The following VWA8 variants were observed in gnomAD, a reference collection of about 807,000 sequenced individuals.
The protein encoded by VWA8 is von Willebrand factor A domain-containing protein 8.
Under a neutral mutation model 241.5 loss-of-function variants are expected in VWA8, and 221 were observed. The ratio of observed to expected loss-of-function variants is 0.91; its 90% CI spans 0.82 to 1.02. The LOEUF (loss-of-function observed/expected upper bound fraction) is 1.02, where lower values mean the gene tolerates loss of function less well. Ranked by LOEUF, VWA8 falls within the 50% of genes least tolerant of loss-of-function variation. The probability of loss-of-function intolerance (pLI) is 0.00; values close to 1 mark genes in which losing one functional copy is unlikely to be tolerated. For synonymous variants in VWA8, 852 were observed against 827.1 expected (o/e 1.03, Z -0.52); for missense variants, 2,322 against 2,328.7 (o/e 1.00, Z 0.06).
At chr13:41,654,724 A>G (rs893231788) in intron 37 of VWA8, among the ~76,000 whole-genome samples, 1 of 152,182 alleles carries the variant, frequency 6.6e-6, no homozygotes, top group African/African-American at 2.4e-5. Context: ...AGAACACAGC[A>G]TTATTGTGAT....
chr13:41,825,493 G>A (rs1465071032), intron 14 of VWA8, among the ~76,000 whole-genome samples: 2 of 152,106 alleles, frequency 1.3e-5, no homozygotes, highest in African/African-American at 4.8e-5. Context: ...ATTCCCTGGA[G>A]GTAGATTTAT....
chr13:41,591,972 A>G (rs1214703828), intron 40 of VWA8, among the ~76,000 whole-genome samples: 4 of 146,300 alleles, frequency 2.7e-5, no homozygotes, highest in Non-Finnish European at 4.6e-5. Flanking sequence ...CTGGGTATAT[A>G]CCCAAAGGAT....
At chr13:41,586,194 T>C (rs2044417193) in intron 42 of VWA8, among the ~76,000 whole-genome samples, 1 of 151,158 alleles carries the variant, frequency 6.6e-6, no homozygotes, top group Admixed American at 6.6e-5. Flanking sequence ...AACTTATACC[T>C]GAAGGGAGCA....
chr13:41,866,647 T>C (rs1873328133), intron 10 of VWA8, among the ~76,000 whole-genome samples: 1 of 152,248 alleles, frequency 6.6e-6, no homozygotes, highest in Middle Eastern at 3.4e-3. Context: ...GATGTATTCA[T>C]AAAAATCATG....
At chr13:41,571,348 T>C (rs1335980254) in intron 43 of VWA8, among the ~76,000 whole-genome samples, 2 of 99,326 alleles carry the variant, frequency 2.0e-5, no homozygotes, top group Non-Finnish European at 4.5e-5. Context: ...CCCTCTCCCG[T>C]CTCCCTCTCC....
chr13:41,938,977 A>G (rs530245190), intron 2 of VWA8, among the ~76,000 whole-genome samples: 2 of 152,214 alleles, frequency 1.3e-5, no homozygotes, highest in Non-Finnish European at 2.9e-5. Context: ...AATTATTTAC[A>G]AACTAAAGGA....
chr13:41,711,157 T>C (rs71427493), intron 26 of VWA8, among the ~76,000 whole-genome samples: 2,040 of 152,324 alleles, frequency 0.013, 19 homozygotes, highest in African/African-American at 0.035. Flanking sequence ...AATATGTTGA[T>C]GCATCAAAAG....
At chr13:41,748,656 C>CA (rs2045629302) in intron 21 of VWA8, among the ~76,000 whole-genome samples, 1 of 152,004 alleles carries the variant, frequency 6.6e-6, no homozygotes, top group South Asian at 2.1e-4. Context: ...GGTACCAAAA[C>CA]AGAGATATAG....
intron 29 of VWA8, among the ~76,000 whole-genome samples, chr13:41,697,207 T>C (rs1234397197): frequency 6.7e-6 from 1 of 149,252 alleles, no homozygotes; most frequent in Non-Finnish European, 1.5e-5. Flanking sequence ...TCCTGTTGGT[T>C]CTACCTTCAA....
intron 17 of VWA8, among the ~76,000 whole-genome samples, chr13:41,798,735 G>C (rs578152681): frequency 6.6e-6 from 1 of 152,004 alleles, no homozygotes; most frequent in Non-Finnish European, 1.5e-5. Flanking sequence ...TTCTCCCTCA[G>C]TCTCTTTATT....
At chr13:41,877,479 C>T (rs932142098) in intron 9 of VWA8, among the ~76,000 whole-genome samples, 2 of 151,858 alleles carry the variant, frequency 1.3e-5, no homozygotes, top group East Asian at 1.9e-4. Context: ...TTGTAACTTC[C>T]TCAGGAGCTG....
At chr13:41,774,035 A>AT (rs1170434483) in intron 20 of VWA8, among the ~76,000 whole-genome samples, 20 of 152,202 alleles carry the variant, frequency 1.3e-4, no homozygotes, top group Non-Finnish European at 2.9e-4. Flanking sequence ...AGACATTTCA[A>AT]TTTGTCTTAT....
intron 12 of VWA8, among the ~76,000 whole-genome samples, chr13:41,850,615 G>A (rs1371410344): frequency 3.3e-5 from 5 of 152,168 alleles, no homozygotes; most frequent in Admixed American, 1.3e-4. Context: ...TCAGGCACCA[G>A]GCCAGTCCAC....
intron 22 of VWA8, 121 bp from the exon 23 acceptor site, chr13:41,729,798 G>GACACACACACAC (rs59345894): frequency 1.9e-4 from 85 of 445,172 alleles, no homozygotes; most frequent in Admixed American, 7.3e-4. Flanking sequence ...TATACACGTA[G>GACACACACACAC]ACACACACAC....
chr13:41,787,423 A>G lies in VWA8; in HGVS notation c.2170+14T>C. On this transcript the variant is annotated intron_variant, in intron 18 of 44. Transcript: ENST00000379310. ...TTATTTCACTTAAAAAAAAGAGCCAAATCAAATACTTACATTTGTAATCCT... is the reference window on the plus strand; with the variant it reads ...TTATTTCACTTAAAAAAAAGAGCCAGATCAAATACTTACATTTGTAATCCT... 6.3e-6 allele frequency: 10 copies of G among 1,577,496 alleles called. No individual in the cohort carries two copies. The highest frequency in any genetic ancestry group is 8.7e-6 in the Non-Finnish European group (10 of 1,148,818).
intron 1 of VWA8, among the ~76,000 whole-genome samples, chr13:41,958,663 T>C (rs1878453404): frequency 6.6e-6 from 1 of 152,206 alleles, no homozygotes; most frequent in South Asian, 2.1e-4. Flanking sequence ...GTGCTGTCCA[T>C]TTACCTGGCT....
Position 41,783,810 on chromosome 13 carries a change from G to A in VWA8, c.2262C>T (p.Phe754=), listed in dbSNP as rs1566455761. 6.2e-7 allele frequency: 1 copy of A among 1,612,684 alleles called. No individual in the cohort carries two copies. Among genetic ancestry groups the A allele is most frequent in the Admixed American group, 1.7e-5 (1 of 59,896 alleles). The change falls in exon 19 of 45, where the codon TTC becomes TTT. Residue 754 remains phenylalanine (F), a synonymous_variant. Transcript: ENST00000379310. ...ATACTCTTACCTGAATGTTGTCATA[G>A]AAAAGAACATCAGGCACTTTCATTT... The part of the protein sequence containing the change: ...HEKMKVPDVL[F]YDNIQHVIVM...
intron 5 of VWA8, among the ~76,000 whole-genome samples, chr13:41,889,294 TTA>T (rs926857748): frequency 2.0e-5 from 3 of 152,122 alleles, no homozygotes; most frequent in African/African-American, 4.8e-5. Flanking sequence ...CGATAAAAAC[TTA>T]TGTGTTTATA....
intron 17 of VWA8, among the ~76,000 whole-genome samples, chr13:41,803,504 C>T (rs1870051601): frequency 1.3e-5 from 2 of 152,168 alleles, no homozygotes; most frequent in Non-Finnish European, 2.9e-5. Context: ...AGTGAAAGCA[C>T]GTCTCACATG....
Sources: allele counts gnomAD v4.1 joint callset (sites outside exome capture counted in the v4.1 genomes callset), GRCh38; gene constraint gnomAD v4.1.1; transcripts MANE v1.5; gene names NCBI Gene and HGNC (gene_info 2026-07-23, HGNC 2026-07-21).